Variants in GLDC observed in about 807,000 individuals in gnomAD.
GLDC encodes the protein glycine dehydrogenase (decarboxylating), mitochondrial.
In GLDC, 104 loss-of-function variants were observed where a neutral mutation model predicts 121.3. The ratio of observed to expected loss-of-function variants is 0.86; its 90% CI spans 0.73 to 1.01. The LOEUF (loss-of-function observed/expected upper bound fraction) is 1.01. GLDC is among the 50% of genes least tolerant of loss of function. The pLI is 0.00. For synonymous variants in GLDC, 546 were observed against 480.6 expected, an observed-to-expected ratio of 1.14 and a Z score of -1.78; for missense variants, 1,429 against 1,306.6, an observed-to-expected ratio of 1.09 and a Z score of -1.44.
At chr9:6,610,881 T>A (rs1340009951) in intron 3 of GLDC, among the ~76,000 whole-genome samples, 1 of 152,238 alleles carries the variant, frequency 6.6e-6, no homozygotes. Flanking sequence ...ATTATAGGCA[T>A]GAGCCACTGC....
At position 6,589,320 on chromosome 9, in the gene GLDC, G is replaced by A. The variant is rs762573157; in HGVS notation, c.1483-28C>T. On this transcript the variant is annotated intron_variant, in intron 11 of 24. Transcript: ENST00000321612. The stretch of plus-strand genomic sequence containing the variant: ...GAAGGAGAAACACAGAGATGATAGG[G>A]CCAGAACTGTGCCTGGAGCCACATG... 4 of 1,392,568 alleles carry A rather than the reference G, an allele frequency of 2.9e-6. No individual in the cohort carries two copies. In the African/African-American group the frequency reaches 4.2e-5, roughly 15 times the overall value. 86.3% of individuals were successfully genotyped at this position (1,392,568 alleles called of 1,614,324 possible).
At position 6,595,031 on chromosome 9, in the gene GLDC, G is replaced by C. The variant is rs1040825750; in HGVS notation, c.1244C>G (p.Thr415Ser). Residue 415 changes from threonine (T) to serine (S), a missense_variant, in exon 9 of 25, where the codon ACT becomes AGT. Thr to Ser is a moderately conservative substitution (Grantham distance 58). Transcript: ENST00000321612. ...CAACTCACCTTCTGACAAAATCAAA[G>C]TGGCATTATGTACCCTCCTAGCAAT... is the stretch of plus-strand genomic sequence containing the variant. ...EHIARRVHNATLILSEGLKRA... is the reference protein window; with the variant it reads ...EHIARRVHNASLILSEGLKRA... The C allele has an allele frequency of 3.8e-6, 6 of 1,597,986 alleles. No homozygotes were observed. Among genetic ancestry groups the C allele is most frequent in the Non-Finnish European group, 4.3e-6 (5 of 1,165,372 alleles).
Position 6,570,854 on chromosome 9 carries a change from CA to C in GLDC, c.1851-5426del, listed in dbSNP as rs34740127. Among the ~76,000 whole-genome samples, 662 of 99,462 alleles carry C rather than the reference CA, an allele frequency of 6.7e-3. 4 individuals are homozygous for C. Among genetic ancestry groups the C allele is most frequent in the South Asian group, 0.033 (89 of 2,688 alleles). 65.3% of individuals were successfully genotyped at this position (99,462 alleles called of 152,430 possible). A position where few individuals can be genotyped will look rare whatever the true frequency, so the allele number is the denominator to read the frequency against. ...GCGCAACAAGAGCAAAACTCTGTCT[CA>C]AAAAAAAAAAAAAAAAAAGTTTCTC... On this transcript the variant is annotated intron_variant, in intron 15 of 24. Transcript: ENST00000321612.
At chr9:6,599,811 C>T (rs1818564985) in intron 8 of GLDC, among the ~76,000 whole-genome samples, 1 of 152,072 alleles carries the variant, frequency 6.6e-6, no homozygotes, top group African/African-American at 2.4e-5. Context: ...ACCACCTTTC[C>T]TTCCTATCAT....
intron 20 of GLDC, among the ~76,000 whole-genome samples, chr9:6,552,640 C>A (rs1817538774): frequency 6.6e-6 from 1 of 152,102 alleles, no homozygotes; most frequent in South Asian, 2.1e-4. Flanking sequence ...TCAGTGGGAG[C>A]CCGCCTTCCT....
At chr9:6,643,317 C>G (rs1400055326) in intron 2 of GLDC, among the ~76,000 whole-genome samples, 1 of 151,632 alleles carries the variant, frequency 6.6e-6, no homozygotes, top group Non-Finnish European at 1.5e-5. Context: ...TTGAAACCAA[C>G]AAAGGCAGCA....
At chr9:6,551,542 T>C (rs1001195936) in intron 20 of GLDC, among the ~76,000 whole-genome samples, 7 of 152,150 alleles carry the variant, frequency 4.6e-5, no homozygotes, top group Non-Finnish European at 4.4e-5. Context: ...ATTAAATACA[T>C]AACTAATGTA....
intron 3 of GLDC, among the ~76,000 whole-genome samples, chr9:6,610,868 G>A (rs1818837352): frequency 6.6e-6 from 1 of 152,126 alleles, no homozygotes. Context: ...CCAACATGCT[G>A]GCATTATAGG....
At chr9:6,611,424 C>T (rs183979278) in intron 3 of GLDC, among the ~76,000 whole-genome samples, 1,873 of 152,018 alleles carry the variant, frequency 0.012, 37 homozygotes, top group Admixed American at 0.047. Flanking sequence ...GGCGTGGTGG[C>T]ACGTGCCTGT....
chr9:6,552,820 T>C (rs181883817), intron 20 of GLDC, among the ~76,000 whole-genome samples: 178 of 152,204 alleles, frequency 1.2e-3, no homozygotes, highest in African/African-American at 3.9e-3. Flanking sequence ...AGGAAGCCTG[T>C]ACTCTGACTA....
chr9:6,573,274 A>G (rs566542450), intron 15 of GLDC, among the ~76,000 whole-genome samples: 186 of 152,134 alleles, frequency 1.2e-3, no homozygotes, highest in African/African-American at 4.2e-3. Flanking sequence ...CAGCCTGGCC[A>G]ACATGGAGAA....
intron 15 of GLDC, chr9:6,565,973 G>A (rs1038913818): frequency 2.6e-5 from 5 of 191,178 alleles, no homozygotes; most frequent in African/African-American, 1.2e-4. Context: ...CGGGTGCAAT[G>A]GCTCATGCCT....
chr9:6,538,111 AT>A (rs112958622), intron 22 of GLDC, among the ~76,000 whole-genome samples: 7,316 of 145,122 alleles, frequency 0.05, 453 homozygotes, highest in African/African-American at 0.15. Context: ...CCAGACAGGG[AT>A]TTTTTTTTTT....
intron 15 of GLDC, among the ~76,000 whole-genome samples, chr9:6,580,745 C>A (rs1818156994): frequency 6.6e-6 from 1 of 152,212 alleles, no homozygotes; most frequent in Non-Finnish European, 1.5e-5. Flanking sequence ...AGCCCATCTG[C>A]TCCATAACAC....
intron 15 of GLDC, among the ~76,000 whole-genome samples, chr9:6,583,979 T>C (rs754033597): frequency 2.6e-5 from 4 of 152,230 alleles, no homozygotes; most frequent in Non-Finnish European, 5.9e-5. Flanking sequence ...GTGAATATAC[T>C]TAATGCCTCT....
At chr9:6,614,163 T>TA in intron 3 of GLDC, among the ~76,000 whole-genome samples, 1 of 152,276 alleles carries the variant, frequency 6.6e-6, no homozygotes, top group East Asian at 1.9e-4. Context: ...TGCATTCTCT[T>TA]AAACACTACA....
intron 16 of GLDC, among the ~76,000 whole-genome samples, chr9:6,564,245 C>A: frequency 6.9e-6 from 1 of 145,824 alleles, no homozygotes; most frequent in Non-Finnish European, 1.5e-5. Flanking sequence ...GAGACTCCAT[C>A]TCAAAAAAAA....
At chr9:6,598,900 G>A (rs1818542749) in intron 8 of GLDC, among the ~76,000 whole-genome samples, 1 of 152,188 alleles carries the variant, frequency 6.6e-6, no homozygotes. Context: ...GGAACATAAG[G>A]CCGGGCACAA....
At chr9:6,564,471 T>C in intron 16 of GLDC, among the ~76,000 whole-genome samples, 1 of 152,136 alleles carries the variant, frequency 6.6e-6, no homozygotes, top group East Asian at 1.9e-4. Flanking sequence ...TGGACTAAGA[T>C]CGGGCCACTA....
Sources: allele counts gnomAD v4.1 joint callset (sites outside exome capture counted in the v4.1 genomes callset), GRCh38; gene constraint gnomAD v4.1.1; transcripts MANE v1.5; gene names NCBI Gene and HGNC (gene_info 2026-07-23, HGNC 2026-07-21).